Variants in RAB31 observed in about 807,000 individuals in gnomAD.
RAB31 encodes the protein RAB31, member RAS oncogene family.
RAB31 carries 21 observed loss-of-function variants against 25.6 expected under a neutral mutation model. The observed-to-expected ratio is 0.82, with a 90% CI of 0.58 to 1.18. The LOEUF (loss-of-function observed/expected upper bound fraction) is 1.18, where lower values mean the gene tolerates loss of function less well. Among genes scored for constraint, RAB31 ranks in the 50% most tolerant of loss-of-function variants. The pLI, the probability that RAB31 is intolerant of heterozygous loss-of-function variation, is 0.00. For missense variants in RAB31, 196 were observed against 250.1 expected, an observed-to-expected ratio of 0.78 and a Z score of 1.46; for synonymous variants, 87 against 84.0, an observed-to-expected ratio of 1.04 and a Z score of -0.20.
At chr18:9,802,151 AT>A (rs1489586028) in intron 3 of RAB31, among the ~76,000 whole-genome samples, 1 of 152,302 alleles carries the variant, frequency 6.6e-6, no homozygotes, top group East Asian at 1.9e-4. Context: ...TGTTTTAGCT[AT>A]TCTGTGTATG....
chr18:9,805,375 T>C (rs2068535099), intron 3 of RAB31, among the ~76,000 whole-genome samples: 1 of 152,196 alleles, frequency 6.6e-6, no homozygotes, highest in African/African-American at 2.4e-5. Context: ...AGAATCTTGT[T>C]TCCTTGCCTT....
intron 1 of RAB31, among the ~76,000 whole-genome samples, chr18:9,732,266 C>T (rs2068126958): frequency 6.6e-6 from 1 of 152,096 alleles, no homozygotes; most frequent in Non-Finnish European, 1.5e-5. Context: ...GAGGGCCGGT[C>T]ACCGGATGAG....
chr18:9,730,697 G>T (rs990133941), intron 1 of RAB31, among the ~76,000 whole-genome samples: 1 of 152,228 alleles, frequency 6.6e-6, no homozygotes, highest in Non-Finnish European at 1.5e-5. Context: ...AATGCAAAGT[G>T]TGTGAAGTGA....
Position 9,721,511 on chromosome 18 carries a change from G to C in RAB31, c.39+13067G>C, listed in dbSNP as rs1186236784. On this transcript the variant is annotated intron_variant, in intron 1 of 6. Transcript: ENST00000578921. ...CATGCCTGTAATCCCAGCTACTCAGGAGGCTGAGGCAGGAGAATTGTTTTA... is the reference window on the plus strand; with the variant it reads ...CATGCCTGTAATCCCAGCTACTCAGCAGGCTGAGGCAGGAGAATTGTTTTA... 2.0e-5 allele frequency among the ~76,000 whole-genome samples: 3 copies of C among 152,094 alleles called. 1 individual carries two copies. The highest frequency in any genetic ancestry group is 7.2e-5 in the African/African-American group (3 of 41,396).
chr18:9,735,163 G>A (rs969938019), intron 1 of RAB31, among the ~76,000 whole-genome samples: 188 of 152,044 alleles, frequency 1.2e-3, no homozygotes, highest in Non-Finnish European at 7.6e-4. Context: ...GATTATAGGC[G>A]CCTGCCACCA....
intron 1 of RAB31, among the ~76,000 whole-genome samples, chr18:9,746,639 T>A (rs1326600506): frequency 2.0e-5 from 3 of 152,204 alleles, no homozygotes; most frequent in Non-Finnish European, 1.5e-5. Flanking sequence ...TGATTTTCAA[T>A]AAGAGTACGA....
Position 9,811,631 on chromosome 18 carries a change from G to A in RAB31, c.202-2389G>A, listed in dbSNP as rs549718590. ...AAAAATTTATGCTATACAGATGCTT[G>A]TAAGGAAAATGTAAAAATCGCTGGA... On this transcript the variant is annotated intron_variant, in intron 3 of 6. Coordinates refer to ENST00000578921, the MANE Select transcript of RAB31 (RefSeq NM_006868.4). Among the ~76,000 whole-genome samples, 43 of 152,226 alleles carry A rather than the reference G, an allele frequency of 2.8e-4. No individual in the cohort carries two copies. The South Asian group carries it at 8.1e-3, about 29-fold the overall frequency.
intron 6 of RAB31, among the ~76,000 whole-genome samples, chr18:9,848,116 G>T (rs189837742): frequency 2.4e-4 from 37 of 152,166 alleles, no homozygotes; most frequent in African/African-American, 8.7e-4. Context: ...TTATACTTTG[G>T]TTGTAACTGC....
At chr18:9,853,220 T>C (rs2068797989) in intron 6 of RAB31, among the ~76,000 whole-genome samples, 1 of 152,218 alleles carries the variant, frequency 6.6e-6, no homozygotes, top group Non-Finnish European at 1.5e-5. Context: ...AAGAGGTTTT[T>C]AATTATTGAT....
intron 5 of RAB31, among the ~76,000 whole-genome samples, chr18:9,826,844 C>G (rs2068652275): frequency 8.2e-6 from 1 of 121,982 alleles, no homozygotes; most frequent in East Asian, 5.0e-4. Flanking sequence ...GGCCATGTGG[C>G]CAGGATCCTC....
intron 1 of RAB31, among the ~76,000 whole-genome samples, chr18:9,735,882 A>G (rs1469133181): frequency 2.0e-5 from 3 of 152,192 alleles, no homozygotes; most frequent in Non-Finnish European, 2.9e-5. Flanking sequence ...TGTCAGCCAG[A>G]TTGGAGTGCC....
At chr18:9,745,420 G>A (rs1242342627) in intron 1 of RAB31, among the ~76,000 whole-genome samples, 1 of 152,190 alleles carries the variant, frequency 6.6e-6, no homozygotes, top group Non-Finnish European at 1.5e-5. Flanking sequence ...TAGAAGAGGA[G>A]GGAATACATC....
intron 1 of RAB31, among the ~76,000 whole-genome samples, chr18:9,732,072 C>A (rs759349871): frequency 6.6e-6 from 1 of 152,198 alleles, no homozygotes; most frequent in South Asian, 2.1e-4. Context: ...GGATGAGCAG[C>A]GAGAAACGAT....
chr18:9,712,881 C>T (rs1042639034), intron 1 of RAB31, among the ~76,000 whole-genome samples: 1 of 152,206 alleles, frequency 6.6e-6, no homozygotes, highest in Non-Finnish European at 1.5e-5. Flanking sequence ...CGATGGCTTC[C>T]CTGCTTCTGG....
chr18:9,841,766 C>T (rs912791611), intron 5 of RAB31, among the ~76,000 whole-genome samples: 3 of 152,044 alleles, frequency 2.0e-5, no homozygotes, highest in Admixed American at 2.0e-4. Flanking sequence ...GGAAACAGAA[C>T]GATGGAATAT....
Position 9,775,260 on chromosome 18 carries a change from A to G in RAB31, c.40-18A>G, listed in dbSNP as rs2068365997. On this transcript the variant is annotated intron_variant, in intron 1 of 6. Transcript: ENST00000578921. ...TGCCGCCCTTCATCTTCACGGTTGT[A>G]TCCTCATTCTTTCCTAGGACACTGG... 1 of 1,613,640 alleles carries G rather than the reference A, an allele frequency of 6.2e-7. No homozygotes were observed.
intron 6 of RAB31, among the ~76,000 whole-genome samples, chr18:9,855,075 G>A (rs553117764): frequency 6.6e-6 from 1 of 152,330 alleles, no homozygotes; most frequent in African/African-American, 2.4e-5. Flanking sequence ...AAAGGGAACA[G>A]CCCCAGCTAA....
intron 6 of RAB31, among the ~76,000 whole-genome samples, chr18:9,847,042 G>A (rs187882028): frequency 6.6e-6 from 1 of 152,268 alleles, no homozygotes; most frequent in Admixed American, 6.5e-5. Flanking sequence ...GCAGGCTGGG[G>A]CTGGAATTTC....
intron 1 of RAB31, among the ~76,000 whole-genome samples, chr18:9,754,128 C>T (rs2068249058): frequency 6.6e-6 from 1 of 152,176 alleles, no homozygotes; most frequent in Non-Finnish European, 1.5e-5. Flanking sequence ...TGAGGTCTAG[C>T]ACTATATCTT....
Sources: allele counts gnomAD v4.1 joint callset (sites outside exome capture counted in the v4.1 genomes callset), GRCh38; gene constraint gnomAD v4.1.1; transcripts MANE v1.5; gene names NCBI Gene and HGNC (gene_info 2026-07-23, HGNC 2026-07-21).